SBF2: variants seen among roughly 807,000 people sequenced by gnomAD.
SBF2 encodes the protein myotubularin-related protein 13.
SBF2 carries 112 observed loss-of-function variants against 225.2 expected under a neutral mutation model. The observed-to-expected ratio is 0.50, with a 90% CI of 0.43 to 0.58. The LOEUF is 0.58. Among genes scored for constraint, SBF2 ranks in the 20% least tolerant of loss-of-function variants. SBF2 has a pLI of 0.00. For missense variants in SBF2, 1,996 were observed against 2,206.2 expected (o/e 0.90, Z 1.91); for synonymous variants, 763 against 773.3 (o/e 0.99, Z 0.22).
At chr11:10,117,178 C>T (rs1178977791) in intron 2 of SBF2, among the ~76,000 whole-genome samples, 3 of 152,076 alleles carry the variant, frequency 2.0e-5, no homozygotes, top group Non-Finnish European at 4.4e-5. Context: ...TGGTGGCTCA[C>T]GCCTGTAATC....
intron 1 of SBF2, among the ~76,000 whole-genome samples, chr11:10,200,930 T>A (rs1415335626): frequency 6.6e-6 from 1 of 152,144 alleles, no homozygotes; most frequent in Non-Finnish European, 1.5e-5. Flanking sequence ...TTCCCGATAA[T>A]AATCAAAATT....
chr11:10,104,596 G>C (rs1308817889), intron 2 of SBF2, among the ~76,000 whole-genome samples: 1 of 152,148 alleles, frequency 6.6e-6, no homozygotes, highest in Non-Finnish European at 1.5e-5. Flanking sequence ...AGCTGAAACT[G>C]ACCAAAACAA....
rs750132918 is a variant in SBF2 at position 9,992,974 on chromosome 11, T to C, written c.1167+16A>G. ...ATATATTTTTTGGACAGATACAATA[T>C]AGTACTCTATCTTACCTTGTGGAAA... On this transcript the variant is annotated intron_variant, in intron 11 of 39. Coordinates refer to ENST00000256190, the MANE Select transcript of SBF2 (RefSeq NM_030962.4). The C allele has an allele frequency of 3.3e-6, 5 of 1,528,134 alleles. No homozygotes were observed. Among genetic ancestry groups the C allele is most frequent in the Admixed American group, 1.7e-5 (1 of 59,834 alleles). 94.7% of individuals were successfully genotyped at this position (1,528,134 alleles called of 1,614,324 possible).
At chr11:10,294,272 C>T (rs550729496), upstream of SBF2, 116 of 384,144 alleles carry the variant, frequency 3.0e-4, no homozygotes, top group Middle Eastern at 4.9e-3. Context: ...CCCGCGCTGG[C>T]TCGGCTGCCC....
intron 29 of SBF2, among the ~76,000 whole-genome samples, chr11:9,813,073 A>G (rs1280141181): frequency 6.6e-6 from 1 of 152,208 alleles, no homozygotes; most frequent in East Asian, 1.9e-4. Context: ...TTAAAGAGAA[A>G]CTAATGATAC....
chr11:10,220,067 C>T (rs955095329), intron 1 of SBF2, among the ~76,000 whole-genome samples: 2 of 152,160 alleles, frequency 1.3e-5, no homozygotes, highest in Non-Finnish European at 2.9e-5. Flanking sequence ...TAAAGACACA[C>T]CAGAGACTGC....
chr11:9,823,503 T>TAA (rs536960639), intron 28 of SBF2, among the ~76,000 whole-genome samples: 163 of 122,496 alleles, frequency 1.3e-3, no homozygotes, highest in African/African-American at 4.2e-3. Flanking sequence ...GGGGTTAGGG[T>TAA]AAAAAAAAAA....
chr11:10,170,253 T>C (rs1050980420), intron 2 of SBF2, among the ~76,000 whole-genome samples: 2 of 152,210 alleles, frequency 1.3e-5, no homozygotes, highest in African/African-American at 2.4e-5. Context: ...AGTAATGTCA[T>C]AGCTTGAAGT....
intron 1 of SBF2, among the ~76,000 whole-genome samples, chr11:10,228,506 A>G (rs1201027479): frequency 6.6e-6 from 1 of 152,190 alleles, no homozygotes; most frequent in Non-Finnish European, 1.5e-5. Flanking sequence ...ATCAATACCT[A>G]ATTTATTGAG....
At chr11:9,888,584 A>G (rs994522269) in intron 17 of SBF2, among the ~76,000 whole-genome samples, 5 of 152,144 alleles carry the variant, frequency 3.3e-5, no homozygotes, top group African/African-American at 1.2e-4. Context: ...AACCATAACA[A>G]CTTGACTTTG....
chr11:10,235,072 T>C (rs891328253), intron 1 of SBF2, among the ~76,000 whole-genome samples: 2 of 152,186 alleles, frequency 1.3e-5, no homozygotes, highest in Non-Finnish European at 2.9e-5. Flanking sequence ...CAAATACAAA[T>C]ACCTTCCTTA....
chr11:9,801,692 G>A (rs1853499196), intron 32 of SBF2, among the ~76,000 whole-genome samples: 1 of 152,198 alleles, frequency 6.6e-6, no homozygotes. Flanking sequence ...ATTAAGCTTT[G>A]ATGCAAAATT....
intron 28 of SBF2, 55 bp downstream of exon 28, chr11:9,829,301 C>G: frequency 1.9e-6 from 3 of 1,570,400 alleles, no homozygotes; most frequent in Non-Finnish European, 2.6e-6. Context: ...ACCCTAGGAA[C>G]AGAACTGACC....
At chr11:10,079,479 A>C (rs1352017890) in intron 2 of SBF2, among the ~76,000 whole-genome samples, 1 of 152,222 alleles carries the variant, frequency 6.6e-6, no homozygotes, top group Non-Finnish European at 1.5e-5. Flanking sequence ...AACAGACTAG[A>C]CCAAATGGAA....
At chr11:9,913,643 A>AAAATAAAAT (rs1862830110) in intron 16 of SBF2, among the ~76,000 whole-genome samples, 1 of 144,742 alleles carries the variant, frequency 6.9e-6, no homozygotes, top group Non-Finnish European at 1.5e-5. Flanking sequence ...CTGAGATTAA[A>AAAATAAAAT]AAAATAAAAT....
intron 1 of SBF2, among the ~76,000 whole-genome samples, chr11:10,257,802 A>C (rs1469860176): frequency 6.6e-6 from 1 of 151,750 alleles, no homozygotes; most frequent in East Asian, 1.9e-4. Context: ...TACGAGACCA[A>C]CCTGGGCAAC....
In SBF2 at chr11:10,187,598, CT is replaced by C. The variant is rs200847815; in HGVS notation, c.141+6303del. ...CCCAATGAGCTTTGGAATAAACTCACTTTTTTTTTTTTTAATCAGACATCAC... is the reference window on the plus strand; with the variant it reads ...CCCAATGAGCTTTGGAATAAACTCACTTTTTTTTTTTTAATCAGACATCAC... On this transcript the variant is annotated intron_variant, in intron 2 of 39. Coordinates refer to ENST00000256190, the MANE Select transcript of SBF2 (RefSeq NM_030962.4). 7.5e-3 allele frequency among the ~76,000 whole-genome samples: 1,094 copies of C among 144,982 alleles called. 64 individuals are homozygous for C. In the East Asian group the frequency reaches 0.16, roughly 21 times the overall value.
chr11:9,802,875 C>T lies in SBF2; in HGVS notation c.4443+5125G>A, dbSNP rs374473655. On this transcript the variant is annotated intron_variant, in intron 32 of 39. Coordinates refer to ENST00000256190, the MANE Select transcript of SBF2 (RefSeq NM_030962.4). ...CACAAAATAATTTGCATCACCAAAGCTGATACCTCTGGTAGCCAAGCATGC... is the reference window on the plus strand; with the variant it reads ...CACAAAATAATTTGCATCACCAAAGTTGATACCTCTGGTAGCCAAGCATGC... 3.9e-5 allele frequency among the ~76,000 whole-genome samples: 6 copies of T among 152,270 alleles called. No homozygotes were observed. The South Asian group carries it at 8.3e-4, about 21-fold the overall frequency.
chr11:10,162,124 G>GC (rs1404639538), intron 2 of SBF2, among the ~76,000 whole-genome samples: 1 of 151,562 alleles, frequency 6.6e-6, no homozygotes, highest in East Asian at 1.9e-4. Flanking sequence ...GCTGGACAGA[G>GC]CATGAGTCTT....
Sources: allele counts gnomAD v4.1 joint callset (sites outside exome capture counted in the v4.1 genomes callset), GRCh38; gene constraint gnomAD v4.1.1; transcripts MANE v1.5; gene names NCBI Gene and HGNC (gene_info 2026-07-23, HGNC 2026-07-21).